SHISA9: variants seen among roughly 807,000 people sequenced by gnomAD.
SHISA9 encodes the protein shisa family member 9.
A neutral mutation model predicts 38.0 loss-of-function variants in SHISA9; 13 were observed. The observed-to-expected ratio is 0.34, with a 90% CI of 0.22 to 0.54. SHISA9 has a LOEUF of 0.54. Ranked by LOEUF, SHISA9 falls within the 20% of genes least tolerant of loss-of-function variation. SHISA9 has a pLI of 0.91. For missense variants in SHISA9, 538 were observed against 575.8 expected (o/e 0.93, Z 0.67); for synonymous variants, 275 against 242.0 (o/e 1.14, Z -1.27).
chr16:12,969,786 G>A (rs544292846), intron 2 of SHISA9, among the ~76,000 whole-genome samples: 17 of 152,148 alleles, frequency 1.1e-4, no homozygotes, highest in Non-Finnish European at 2.4e-4. Context: ...TCAGTGTGAA[G>A]TGTACACTGG....
the SHISA9 span, among the ~76,000 whole-genome samples, chr16:13,559,177 C>A: frequency 6.6e-6 from 1 of 152,088 alleles, no homozygotes; most frequent in South Asian, 2.1e-4. Context: ...TTTGACCAGA[C>A]ACAGTATCGA....
At chr16:13,293,185 A>C in the SHISA9 span, among the ~76,000 whole-genome samples, 1 of 152,220 alleles carries the variant, frequency 6.6e-6, no homozygotes, top group Non-Finnish European at 1.5e-5. Flanking sequence ...TTCAGATAAC[A>C]GTCCTGTGAT....
chr16:13,475,434 T>G, the SHISA9 span, among the ~76,000 whole-genome samples: 1 of 152,040 alleles, frequency 6.6e-6, no homozygotes, highest in African/African-American at 2.4e-5. Context: ...TCCCATGACT[T>G]TCATTTATTA....
chr16:13,410,480 A>G, the SHISA9 span, among the ~76,000 whole-genome samples: 2 of 152,206 alleles, frequency 1.3e-5, no homozygotes, highest in East Asian at 3.8e-4. Flanking sequence ...CACAACAAAC[A>G]GCCACCTTTG....
intron 2 of SHISA9, among the ~76,000 whole-genome samples, chr16:13,162,179 G>T (rs1051590884): frequency 2.0e-5 from 3 of 152,158 alleles, no homozygotes; most frequent in Non-Finnish European, 2.9e-5. Flanking sequence ...GTATTCAGAG[G>T]GGGTGGGAGA....
chr16:13,511,688 A>C, the SHISA9 span, among the ~76,000 whole-genome samples: 1 of 152,078 alleles, frequency 6.6e-6, no homozygotes, highest in Non-Finnish European at 1.5e-5. Flanking sequence ...GATTCAGGCA[A>C]AGTCCAGTAA....
intron 2 of SHISA9, among the ~76,000 whole-genome samples, chr16:12,943,310 TGTGTGTGTGTGTGTGTGTGTGAGA>T (rs2071638811): frequency 1.9e-5 from 2 of 104,542 alleles, no homozygotes; most frequent in Admixed American, 9.9e-5. Flanking sequence ...TGTGTGTGTG[TGTGTGTGTGTGTGTGTGTGTGAGA>T]GAGAGAGAGA....
intron 2 of SHISA9, among the ~76,000 whole-genome samples, chr16:12,980,991 A>T (rs568921589): frequency 3.9e-5 from 6 of 152,310 alleles, no homozygotes; most frequent in Non-Finnish European, 8.8e-5. Context: ...AATTAAAAAA[A>T]CTTAAGTCCA....
At chr16:13,462,499 A>G in the SHISA9 span, among the ~76,000 whole-genome samples, 14 of 152,090 alleles carry the variant, frequency 9.2e-5, no homozygotes, top group African/African-American at 3.4e-4. Context: ...ATTTCATTCT[A>G]TTGTTCTGGG....
chr16:13,333,716 T>G, the SHISA9 span, among the ~76,000 whole-genome samples: 1 of 152,196 alleles, frequency 6.6e-6, no homozygotes, highest in Non-Finnish European at 1.5e-5. Flanking sequence ...AAAGGAAAAT[T>G]GTTGCATAAA....
chr16:12,957,754 C>T (rs957234166), intron 2 of SHISA9, among the ~76,000 whole-genome samples: 13 of 152,126 alleles, frequency 8.5e-5, no homozygotes, highest in African/African-American at 3.1e-4. Context: ...TTTCTTCTCA[C>T]AGTTCTTGAG....
the SHISA9 span, among the ~76,000 whole-genome samples, chr16:13,351,799 C>T: frequency 7.2e-5 from 11 of 152,294 alleles, no homozygotes; most frequent in South Asian, 1.2e-3. Flanking sequence ...GGATTGGTTG[C>T]TAACACCAGT....
chr16:13,307,251 C>T, the SHISA9 span, among the ~76,000 whole-genome samples: 1 of 152,154 alleles, frequency 6.6e-6, no homozygotes, highest in African/African-American at 2.4e-5. Flanking sequence ...TAAGCCACTG[C>T]CTGGCACATG....
At chr16:13,536,774 G>A in the SHISA9 span, among the ~76,000 whole-genome samples, 2 of 152,170 alleles carry the variant, frequency 1.3e-5, no homozygotes, top group African/African-American at 2.4e-5. Flanking sequence ...GTGTGGGGGT[G>A]GAAATAGGCA....
chr16:12,926,369 A>G (rs2071393607), intron 2 of SHISA9, among the ~76,000 whole-genome samples: 1 of 152,162 alleles, frequency 6.6e-6, no homozygotes, highest in Non-Finnish European at 1.5e-5. Flanking sequence ...AGATAAAGTC[A>G]CCATTTCTGT....
chr16:13,101,181 T>TC (rs1197779626), intron 2 of SHISA9, among the ~76,000 whole-genome samples: 6 of 152,174 alleles, frequency 3.9e-5, no homozygotes, highest in African/African-American at 1.2e-4. Context: ...GCTCTGGAGA[T>TC]CTAATGTACA....
At chr16:13,337,175 T>C in the SHISA9 span, among the ~76,000 whole-genome samples, 1 of 152,170 alleles carries the variant, frequency 6.6e-6, no homozygotes, top group East Asian at 1.9e-4. Context: ...ATGGTTTCGC[T>C]GTGTCCCCAC....
the SHISA9 span, among the ~76,000 whole-genome samples, chr16:13,301,990 G>GCAGAGAGAATGGTGGGCC: frequency 1.2e-4 from 18 of 152,300 alleles, no homozygotes; most frequent in African/African-American, 4.1e-4. Flanking sequence ...TTTTACTATT[G>GCAGAGAGAATGGTGGGCC]CAGAGAGAAT....
the SHISA9 span, among the ~76,000 whole-genome samples, chr16:13,302,818 A>C: frequency 6.6e-6 from 1 of 152,052 alleles, no homozygotes; most frequent in Non-Finnish European, 1.5e-5. Context: ...GTGGGAGGTA[A>C]TTGGGTCATG....
Sources: gnomAD v4.1 joint callset for allele counts (sites outside exome capture counted in the v4.1 genomes callset) on GRCh38, gnomAD v4.1.1 for gene constraint, MANE v1.5 for transcripts, NCBI Gene and HGNC (gene_info 2026-07-23, HGNC 2026-07-21) for gene names.